Variants in QARS1 observed in about 807,000 individuals in gnomAD.
QARS1 encodes glutamine--tRNA ligase.
Under a neutral mutation model 106.9 loss-of-function variants are expected in QARS1, and 79 were observed. The ratio of observed to expected loss-of-function variants is 0.74; its 90% CI spans 0.62 to 0.89. QARS1 has a LOEUF of 0.89. Ranked by LOEUF, QARS1 falls within the 40% of genes least tolerant of loss-of-function variation. The pLI is 0.00. For synonymous variants in QARS1, 395 were observed against 367.7 expected (o/e 1.07, Z -0.85); for missense variants, 966 against 997.2 (o/e 0.97, Z 0.42).
chr3:49,104,698 G>C lies in QARS1; in HGVS notation c.36C>G (p.Ser12Arg), dbSNP rs1396828595. The change falls in exon 1 of 24, where the codon AGC becomes AGG. Residue 12 changes from serine to arginine, a missense_variant. By Grantham distance (110) the Ser-to-Arg change is moderately radical. Transcript: ENST00000306125. ...AALDSLSLFT[S>R]LGLSEQKARE... ...GGGCCTTCTGCTCGCTCAGGCCGAG[G>C]CTAGTGAAGAGCGACAGGGAGTCTA... 6.2e-7 allele frequency: 1 copy of C among 1,612,736 alleles called. No homozygotes were observed. The highest frequency in any genetic ancestry group is 1.1e-5 in the South Asian group (1 of 91,082).
chr3:49,102,650 TTGTTGCCCAGACTGGAGTCTTGCTCA>T (rs2042486381), intron 5 of QARS1, 178 bp from the exon 6 acceptor site: 1 of 682,030 alleles, frequency 1.5e-6, no homozygotes, highest in Non-Finnish European at 2.6e-6. Flanking sequence ...GCTCTTGCTC[TTGTTGCCCAGACTGGAGTCTTGCTCA>T]TGTTGCCCAG....
chr3:49,104,536 G>A, intron 1 of QARS1, 65 bp from the exon 2 acceptor site: 1 of 1,604,538 alleles, frequency 6.2e-7, no homozygotes, highest in Non-Finnish European at 8.5e-7. Flanking sequence ...GGACAAACGG[G>A]GCAGGTCGGG....
intron 7 of QARS1, 31 bp from the exon 8 acceptor site, chr3:49,101,930 C>G (rs1328990722): frequency 6.3e-7 from 1 of 1,587,384 alleles, no homozygotes. Context: ...AAAACTTGTC[C>G]TCTAGATACA....
chr3:49,099,067 A>G (rs1559966669), intron 18 of QARS1, 43 bp downstream of exon 18: 4 of 1,613,758 alleles, frequency 2.5e-6, no homozygotes, highest in Non-Finnish European at 3.4e-6. Flanking sequence ...GTGTACCCCC[A>G]GCTACACACA....
At position 49,100,273 on chromosome 3, in the gene QARS1, G is replaced by A. The variant is rs751537797; in HGVS notation, c.1081C>T (p.Arg361Ter). 22 of 1,614,080 alleles carry A rather than the reference G, an allele frequency of 1.4e-5. No individual in the cohort carries two copies. Among genetic ancestry groups the A allele is most frequent in the South Asian group, 5.5e-5 (5 of 91,090 alleles). ...RRGLAYVCHQ[R>*]GEELKGHNTL... ...TTATGGCCTTTGAGCTCCTCTCCTC[G>A]CTGGTGGCACACATAAGCCAGACCC... is the stretch of plus-strand genomic sequence containing the variant. The change falls in exon 13 of 24, where the codon CGA (arginine) becomes TGA (stop). Residue 361 changes from arginine (R) to a stop codon, truncating the protein, a stop_gained. Coordinates refer to ENST00000306125, the MANE Select transcript of QARS1 (RefSeq NM_005051.3). LOFTEE classifies it high-confidence loss of function.
At chr3:49,101,759 C>A in intron 8 of QARS1, 54 bp from the exon 9 acceptor site, 1 of 1,610,328 alleles carries the variant, frequency 6.2e-7, no homozygotes, top group Non-Finnish European at 8.5e-7. Flanking sequence ...GCCTCTGACC[C>A]CAGGGGCCTG....
chr3:49,103,760 G>T, intron 3 of QARS1, 54 bp from the exon 4 acceptor site: 1 of 1,604,208 alleles, frequency 6.2e-7, no homozygotes, highest in South Asian at 1.1e-5. Flanking sequence ...AGATATTCTG[G>T]GAACCCACAC....
In QARS1 at chr3:49,103,851, G is replaced by A; in HGVS notation, c.375+12C>T. ...GACTGGGGAGGCAGACGATGCCTGG[G>A]GAAAGACTCACAGCCTCCTCAATCT... On this transcript the variant is annotated intron_variant, in intron 3 of 23. Coordinates refer to ENST00000306125, the MANE Select transcript of QARS1 (RefSeq NM_005051.3). The A allele has an allele frequency of 6.2e-7, 1 of 1,612,680 alleles. No individual in the cohort carries two copies. Among genetic ancestry groups the A allele is most frequent in the Middle Eastern group, 1.7e-4 (1 of 6,060 alleles).
intron 14 of QARS1, 28 bp downstream of exon 14, chr3:49,099,933 C>G: frequency 6.2e-7 from 1 of 1,613,778 alleles, no homozygotes; most frequent in Non-Finnish European, 8.5e-7. Flanking sequence ...CTCGGCAGCC[C>G]CACCACCCCA....
chr3:49,098,380 A>G lies in QARS1; in HGVS notation c.2057T>C (p.Met686Thr), dbSNP rs2042420201. The change falls in exon 21 of 24, where the codon ATG (methionine) becomes ACG (threonine). Residue 686 changes from methionine to threonine, a missense_variant. Transcript: ENST00000306125. ...AFIHWVSQPL[M>T]CEVRLYERLF... ...TCGCTCATAGAGGCGAACCTCACAC[A>G]TCAAAGGCTGTGACACCCAGTGAAT... 2 of 1,614,136 alleles carry G rather than the reference A, an allele frequency of 1.2e-6. No individual in the cohort carries two copies. The highest frequency in any genetic ancestry group is 2.2e-5 in the South Asian group (2 of 91,088).
Position 49,100,069 on chromosome 3 carries a change from G to A in QARS1, c.1187C>T (p.Ser396Leu), listed in dbSNP as rs1236386438. The change falls in exon 14 of 24, where the codon TCA becomes TTA. Residue 396 changes from serine (S) to leucine (L), a missense_variant. Ser to Leu is a moderately radical substitution (Grantham distance 145). Coordinates refer to ENST00000306125, the MANE Select transcript of QARS1 (RefSeq NM_005051.3). ...CATCCGTAGTGTGGCCTCGCCCTCT[G>A]AAAACTTGCCCTTGCGCATTGCCTG... The part of the protein sequence containing the change: ...LFEAMRKGKF[S>L]EGEATLRMKL... The A allele has an allele frequency of 1.2e-6, 2 of 1,614,116 alleles. No individual in the cohort carries two copies. The highest frequency in any genetic ancestry group is 3.3e-5 in the Admixed American group (2 of 60,008).
Position 49,104,653 on chromosome 3 carries a change from C to T in QARS1, c.81G>A (p.Ser27=), listed in dbSNP as rs1025341194. 6.2e-7 allele frequency: 1 copy of T among 1,608,688 alleles called. No individual in the cohort carries two copies. Among genetic ancestry groups the T allele is most frequent in the Non-Finnish European group, 8.5e-7 (1 of 1,176,124 alleles). ...EQKARETLKN[S]ALSAQLREAA... is the part of the protein sequence containing the mutation. ...CCTCGCGCAGCTGCGCGCTCAGAGC[C>T]GAGTTCTTGAGCGTCTCGCGGGCCT... is the stretch of plus-strand genomic sequence containing the variant. The change falls in exon 1 of 24, where the codon TCG becomes TCA. Residue 27 remains serine, a synonymous_variant. Coordinates refer to ENST00000306125, the MANE Select transcript of QARS1 (RefSeq NM_005051.3).
rs764476246 is a variant in QARS1 at position 49,098,993 on chromosome 3, T to C, written c.1759-4A>G. 6.2e-7 allele frequency: 1 copy of C among 1,613,418 alleles called. No individual in the cohort carries two copies. The highest frequency in any genetic ancestry group is 8.5e-7 in the Non-Finnish European group (1 of 1,179,360). ...TGGGCACCTGGATGTCCAAGGACTATAGCAGGAGACAGGAGACAGGTATGA... is the reference window on the plus strand; with the variant it reads ...TGGGCACCTGGATGTCCAAGGACTACAGCAGGAGACAGGAGACAGGTATGA... On this transcript the variant is annotated splice_region_variant and splice_polypyrimidine_tract_variant and intron_variant, in intron 18 of 23. Transcript: ENST00000306125.
At position 49,104,670 on chromosome 3, in the gene QARS1, C is replaced by G; in HGVS notation, c.64G>C (p.Glu22Gln). The change falls in exon 1 of 24, where the codon GAG (glutamate) becomes CAG (glutamine). Residue 22 changes from glutamate to glutamine, a missense_variant. Transcript: ENST00000306125. ...SLGLSEQKARETLKNSALSAQ... is the reference protein window; with the variant it reads ...SLGLSEQKARQTLKNSALSAQ... ...CTCAGAGCCGAGTTCTTGAGCGTCTCGCGGGCCTTCTGCTCGCTCAGGCCG... is the reference window on the plus strand; with the variant it reads ...CTCAGAGCCGAGTTCTTGAGCGTCTGGCGGGCCTTCTGCTCGCTCAGGCCG... The G allele has an allele frequency of 6.2e-7, 1 of 1,610,526 alleles. No homozygotes were observed. The highest frequency in any genetic ancestry group is 1.3e-5 in the African/African-American group (1 of 75,004).
In QARS1 at chr3:49,098,128, G is replaced by A. The variant is rs373696203; in HGVS notation, c.2152-11C>T. On this transcript the variant is annotated splice_polypyrimidine_tract_variant and intron_variant, in intron 22 of 23. Coordinates refer to ENST00000306125, the MANE Select transcript of QARS1 (RefSeq NM_005051.3). ...CACGTGTAGTGATGCCTGCAGGCAGGGAACTCAGGCAACCATCCAACCAGG... is the reference window on the plus strand; with the variant it reads ...CACGTGTAGTGATGCCTGCAGGCAGAGAACTCAGGCAACCATCCAACCAGG... 3 of 1,614,174 alleles carry A rather than the reference G, an allele frequency of 1.9e-6. No individual in the cohort carries two copies. The highest frequency in any genetic ancestry group is 2.5e-6 in the Non-Finnish European group (3 of 1,180,026).
Position 49,103,628 on chromosome 3 carries a change from C to T in QARS1, c.451+3G>A. The T allele has an allele frequency of 6.2e-7, 1 of 1,613,238 alleles. No homozygotes were observed. Among genetic ancestry groups the T allele is most frequent in the Non-Finnish European group, 8.5e-7 (1 of 1,179,598 alleles). ...ATATAGCCCCGTTCCAGGCCCTGCT[C>T]ACCCATCAGCAGCCCCATGTTGAAA... On this transcript the variant is annotated splice_donor_region_variant and intron_variant, in intron 4 of 23. Coordinates refer to ENST00000306125, the MANE Select transcript of QARS1 (RefSeq NM_005051.3).
chr3:49,101,949 A>G (rs1360091231), intron 7 of QARS1, 50 bp from the exon 8 acceptor site: 6 of 1,558,824 alleles, frequency 3.8e-6, no homozygotes, highest in Non-Finnish European at 4.4e-6. Flanking sequence ...CATTTACCAT[A>G]TCCTACAGCC....
In QARS1 at chr3:49,099,812, TCA is replaced by T. The variant is rs769757389; in HGVS notation, c.1335_1336del (p.Cys445Ter). On this transcript the variant is annotated stop_gained and frameshift_variant, in exon 15 of 24. Transcript: ENST00000306125. LOFTEE classifies it high-confidence loss of function. ...TGAGTGAGTGATGTGCTCGATGGAGTCACAGAGGCAGTGTGTGTAGTCGTAGG... is the reference window on the plus strand; with the variant it reads ...TGAGTGAGTGATGTGCTCGATGGAGTCAGAGGCAGTGTGTGTAGTCGTAGG... 1 of 1,613,738 alleles carries T rather than the reference TCA, an allele frequency of 6.2e-7. No homozygotes were observed. The highest frequency in any genetic ancestry group is 8.5e-7 in the Non-Finnish European group (1 of 1,179,920).
At chr3:49,103,480 A>T (rs2042497818) in intron 4 of QARS1, 71 bp from the exon 5 acceptor site, 2 of 1,598,160 alleles carry the variant, frequency 1.3e-6, no homozygotes, top group East Asian at 2.2e-5. Flanking sequence ...TCCCAAGGAA[A>T]GGTCCTGGCT....
Sources: allele counts gnomAD v4.1 joint callset, GRCh38; gene constraint gnomAD v4.1.1; transcripts MANE v1.5; gene names NCBI Gene and HGNC (gene_info 2026-07-23, HGNC 2026-07-21).